The following GRIK4 variants were observed in gnomAD, a reference collection of about 807,000 sequenced individuals.
GRIK4 encodes glutamate ionotropic receptor kainate type subunit 4, also known as glutamate receptor ionotropic, kainate 4.
Under a neutral mutation model 104.9 loss-of-function variants are expected in GRIK4, and 40 were observed. That is an observed-to-expected ratio of 0.38 (90% confidence interval 0.30 to 0.50). The LOEUF (loss-of-function observed/expected upper bound fraction) is 0.50, where lower values mean the gene tolerates loss of function less well. GRIK4 is among the 20% of genes least tolerant of loss of function. The pLI is 0.93. For synonymous variants in GRIK4, 485 were observed against 524.9 expected (o/e 0.92, Z 1.04); for missense variants, 1,047 against 1,308.1 (o/e 0.80, Z 3.08).
chr11:120,697,171 A>G (rs899895763), intron 3 of GRIK4, among the ~76,000 whole-genome samples: 2 of 152,212 alleles, frequency 1.3e-5, no homozygotes, highest in African/African-American at 4.8e-5. Context: ...GTTACGCAGT[A>G]GGTTCTATTC....
intron 1 of GRIK4, among the ~76,000 whole-genome samples, chr11:120,565,182 C>T (rs1300235109): frequency 6.6e-6 from 1 of 152,218 alleles, no homozygotes; most frequent in Non-Finnish European, 1.5e-5. Context: ...GCCAGCGCGC[C>T]CAGCTGTCCC....
chr11:120,598,446 C>A (rs1386747675), intron 1 of GRIK4, among the ~76,000 whole-genome samples: 2 of 152,298 alleles, frequency 1.3e-5, no homozygotes, highest in East Asian at 1.9e-4. Flanking sequence ...CGTGGTGGAA[C>A]CTGCCCACCC....
intron 15 of GRIK4, among the ~76,000 whole-genome samples, chr11:120,954,827 AC>A (rs1944102211): frequency 9.2e-4 from 11 of 11,926 alleles, no homozygotes; most frequent in African/African-American, 2.2e-3. Context: ...ACACACACAC[AC>A]ACAAACAATA....
chr11:120,514,987 G>A (rs1310982122), intron 1 of GRIK4: 1 of 456,724 alleles, frequency 2.2e-6, no homozygotes, highest in Non-Finnish European at 4.4e-6. Context: ...TCTTACAGAG[G>A]GTAACGCTTC....
intron 1 of GRIK4, among the ~76,000 whole-genome samples, chr11:120,638,729 G>A (rs1171262904): frequency 2.0e-5 from 3 of 151,752 alleles, no homozygotes; most frequent in Non-Finnish European, 4.4e-5. Flanking sequence ...CGCCCGTCTC[G>A]GCCTCCCAAA....
At chr11:120,648,706 G>A (rs748824375) in intron 1 of GRIK4, among the ~76,000 whole-genome samples, 13 of 152,178 alleles carry the variant, frequency 8.5e-5, no homozygotes, top group African/African-American at 1.7e-4. Flanking sequence ...GGGGGGATGC[G>A]GGCTAAGGGG....
chr11:120,889,210 AG>A (rs1362403061), intron 11 of GRIK4, among the ~76,000 whole-genome samples: 1 of 152,224 alleles, frequency 6.6e-6, no homozygotes, highest in Non-Finnish European at 1.5e-5. Flanking sequence ...ATTTAAATGC[AG>A]TAAGCGTTTA....
chr11:120,541,103 C>G (rs535155220), intron 1 of GRIK4, among the ~76,000 whole-genome samples: 55 of 152,400 alleles, frequency 3.6e-4, no homozygotes, highest in African/African-American at 1.3e-3. Context: ...TGAGGCGCAG[C>G]TACCGGAATG....
intron 13 of GRIK4, among the ~76,000 whole-genome samples, chr11:120,933,800 G>C (rs186651438): frequency 2.0e-5 from 3 of 152,158 alleles, no homozygotes; most frequent in Non-Finnish European, 4.4e-5. Context: ...CCATTTGGAC[G>C]GCAAGGAGCA....
intron 1 of GRIK4, among the ~76,000 whole-genome samples, chr11:120,517,436 GCATCGTTTGCCC>G (rs1947743173): frequency 6.7e-6 from 1 of 148,570 alleles, no homozygotes; most frequent in Non-Finnish European, 1.5e-5. Flanking sequence ...AGTGAGGCTG[GCATCGTTTGCCC>G]CAGGGAGGCC....
chr11:120,879,465 C>T (rs1954904769), intron 11 of GRIK4, among the ~76,000 whole-genome samples: 1 of 152,228 alleles, frequency 6.6e-6, no homozygotes, highest in African/African-American at 2.4e-5. Flanking sequence ...ATTGGTAAAA[C>T]GTCTGAACCA....
intron 1 of GRIK4, among the ~76,000 whole-genome samples, chr11:120,653,445 G>T (rs540007342): frequency 2.0e-5 from 3 of 152,174 alleles, no homozygotes; most frequent in Admixed American, 6.5e-5. Flanking sequence ...TCTGAGTGCG[G>T]TGCTCACAGT....
chr11:120,720,460 A>G (rs1950911582), intron 3 of GRIK4, among the ~76,000 whole-genome samples: 1 of 152,274 alleles, frequency 6.6e-6, no homozygotes. Context: ...ATAAGGAGCT[A>G]TTTGGGATGG....
At chr11:120,582,865 TG>T (rs1280443571) in intron 1 of GRIK4, among the ~76,000 whole-genome samples, 1 of 152,228 alleles carries the variant, frequency 6.6e-6, no homozygotes, top group Non-Finnish European at 1.5e-5. Flanking sequence ...TATATTTCTT[TG>T]GGTATATACC....
intron 1 of GRIK4, among the ~76,000 whole-genome samples, chr11:120,622,900 C>T (rs573371843): frequency 2.6e-5 from 4 of 152,316 alleles, no homozygotes; most frequent in African/African-American, 9.6e-5. Flanking sequence ...CCCTGATAAC[C>T]CAGTGTGCTC....
intron 1 of GRIK4, among the ~76,000 whole-genome samples, chr11:120,604,054 C>A (rs1269666574): frequency 6.6e-6 from 1 of 151,856 alleles, no homozygotes; most frequent in Non-Finnish European, 1.5e-5. Flanking sequence ...CACCTGTAGC[C>A]CCAGCTACTC....
At chr11:120,899,148 G>A (rs1262193004) in intron 12 of GRIK4, among the ~76,000 whole-genome samples, 1 of 152,080 alleles carries the variant, frequency 6.6e-6, no homozygotes, top group Non-Finnish European at 1.5e-5. Flanking sequence ...CAGGTGCAGT[G>A]GCTCATGCCT....
intron 8 of GRIK4, among the ~76,000 whole-genome samples, chr11:120,853,882 C>A (rs1338358309): frequency 1.3e-5 from 2 of 152,180 alleles, no homozygotes; most frequent in African/African-American, 4.8e-5. Flanking sequence ...AGTGGCCTAG[C>A]CCAGTGCTGA....
At chr11:120,928,960 CGTGTGTGTG>C (rs1335876597) in intron 13 of GRIK4, among the ~76,000 whole-genome samples, 26 of 150,362 alleles carry the variant, frequency 1.7e-4, no homozygotes, top group African/African-American at 5.2e-4. Flanking sequence ...TTAGCAAAGA[CGTGTGTGTG>C]TGTGTGTGTG....
Sources: gnomAD v4.1 joint callset for allele counts (sites outside exome capture counted in the v4.1 genomes callset) on GRCh38, gnomAD v4.1.1 for gene constraint, MANE v1.5 for transcripts, NCBI Gene and HGNC (gene_info 2026-07-23, HGNC 2026-07-21) for gene names.